The following DOP1B variants were observed in gnomAD, a reference collection of about 807,000 sequenced individuals.
The protein encoded by DOP1B is protein DOP1B.
DOP1B carries 174 observed loss-of-function variants against 233.5 expected under a neutral mutation model. The ratio of observed to expected loss-of-function variants is 0.75; its 90% CI spans 0.66 to 0.85. The LOEUF is 0.85. Among genes scored for constraint, DOP1B ranks in the 40% least tolerant of loss-of-function variants. DOP1B has a pLI of 0.00. For synonymous variants in DOP1B, 1,190 were observed against 1,185.6 expected, an observed-to-expected ratio of 1.00 and a Z score of -0.08; for missense variants, 2,652 against 2,846.6, an observed-to-expected ratio of 0.93 and a Z score of 1.56.
intron 18 of DOP1B, among the ~76,000 whole-genome samples, chr21:36,241,696 T>TC (rs1230883882): frequency 1.0e-4 from 5 of 48,290 alleles, no homozygotes; most frequent in African/African-American, 1.6e-4. Context: ...TTTCTTTCTT[T>TC]TTTTTTTTTT....
At chr21:36,265,334 T>G (rs2067218952) in intron 26 of DOP1B, among the ~76,000 whole-genome samples, 1 of 150,552 alleles carries the variant, frequency 6.6e-6, no homozygotes, top group Admixed American at 6.6e-5. Flanking sequence ...AGGCAGAGGT[T>G]ACAGTGAGCC....
At chr21:36,252,196 A>G (rs2067039400) in intron 22 of DOP1B, among the ~76,000 whole-genome samples, 3 of 151,924 alleles carry the variant, frequency 2.0e-5, no homozygotes, top group Admixed American at 6.6e-5. Context: ...AACTTTACCT[A>G]AGAACATGCC....
intron 17 of DOP1B, among the ~76,000 whole-genome samples, 183 bp downstream of exon 17, chr21:36,238,884 C>T (rs1240144177): frequency 1.3e-5 from 2 of 152,184 alleles, no homozygotes; most frequent in Non-Finnish European, 2.9e-5. Context: ...GGGCAGATCA[C>T]TTGAGGCCTG....
chr21:36,176,101 T>TGCGTATGTGTGTGTGTGTGC (rs756370304), intron 2 of DOP1B, among the ~76,000 whole-genome samples: 6 of 147,906 alleles, frequency 4.1e-5, no homozygotes, highest in Non-Finnish European at 8.9e-5. Context: ...TGTGTGCGTG[T>TGCGTATGTGTGTGTGTGTGC]GTGTGTGTGT....
At chr21:36,212,180 G>C in intron 7 of DOP1B, 83 bp downstream of exon 7, 2 of 1,426,652 alleles carry the variant, frequency 1.4e-6, no homozygotes, top group Non-Finnish European at 1.9e-6. Flanking sequence ...ATTTGGTCTT[G>C]GTGATGTATC....
chr21:36,273,704 AG>A (rs1286797303), intron 27 of DOP1B, among the ~76,000 whole-genome samples: 1 of 152,096 alleles, frequency 6.6e-6, no homozygotes, highest in Non-Finnish European at 1.5e-5. Flanking sequence ...AGGACTCTGG[AG>A]CTTCATGAAA....
At chr21:36,274,059 CAG>C (rs1188961245) in intron 27 of DOP1B, among the ~76,000 whole-genome samples, 1 of 151,974 alleles carries the variant, frequency 6.6e-6, no homozygotes, top group Non-Finnish European at 1.5e-5. Context: ...GCCTAGGCAA[CAG>C]AGACTCTGTC....
intron 22 of DOP1B, 60 bp from the exon 23 acceptor site, chr21:36,253,712 T>C (rs376258475): frequency 1.5e-5 from 23 of 1,550,136 alleles, no homozygotes; most frequent in East Asian, 9.1e-5. Context: ...TAAGGATGTG[T>C]CATCCTTATT....
chr21:36,216,639 C>T (rs2066563431), intron 9 of DOP1B, among the ~76,000 whole-genome samples: 3 of 152,118 alleles, frequency 2.0e-5, no homozygotes, highest in Admixed American at 2.0e-4. Context: ...ACCATATCAG[C>T]TCACTTTAAG....
intron 2 of DOP1B, among the ~76,000 whole-genome samples, chr21:36,183,680 G>C (rs960821767): frequency 1.2e-4 from 18 of 152,212 alleles, no homozygotes; most frequent in Non-Finnish European, 2.1e-4. Context: ...GTGTTTTGGA[G>C]GGGGTCGTGT....
intron 2 of DOP1B, among the ~76,000 whole-genome samples, chr21:36,186,189 C>T (rs755082121): frequency 4.7e-5 from 7 of 149,906 alleles, no homozygotes; most frequent in African/African-American, 1.2e-4. Context: ...GGCAACAGAA[C>T]GAGACTTCGT....
chr21:36,289,447 G>A (rs897052154), intron 35 of DOP1B, among the ~76,000 whole-genome samples: 1 of 50,918 alleles, frequency 2.0e-5, no homozygotes, highest in Middle Eastern at 0.013. Context: ...GTGTGTGTGT[G>A]TGTGTGTGTG....
chr21:36,205,157 C>T (rs78683179), intron 4 of DOP1B, among the ~76,000 whole-genome samples: 2,885 of 152,298 alleles, frequency 0.019, 40 homozygotes, highest in Non-Finnish European at 0.031. Context: ...CATGGTTGTC[C>T]TTTTGGCAAG....
intron 26 of DOP1B, among the ~76,000 whole-genome samples, chr21:36,267,625 CTT>C (rs3029062): frequency 8.6e-5 from 10 of 116,942 alleles, no homozygotes; most frequent in Admixed American, 1.8e-4. Flanking sequence ...TGCAGTGAGA[CTT>C]TTTTTTTTTT....
chr21:36,287,181 C>T (rs2067495003), intron 32 of DOP1B, among the ~76,000 whole-genome samples: 1 of 152,052 alleles, frequency 6.6e-6, no homozygotes, highest in South Asian at 2.1e-4. Context: ...TTATTTGAAA[C>T]ACTTTTCCCT....
chr21:36,205,453 A>G (rs1341718233), intron 4 of DOP1B, among the ~76,000 whole-genome samples: 4 of 152,004 alleles, frequency 2.6e-5, no homozygotes, highest in East Asian at 3.9e-4. Context: ...CAGCGGTGCA[A>G]TCTTGGCACC....
chr21:36,253,656 A>ATT, intron 22 of DOP1B, 116 bp from the exon 23 acceptor site: 1 of 1,121,958 alleles, frequency 8.9e-7, no homozygotes, highest in Non-Finnish European at 1.2e-6. Flanking sequence ...AAAAAAAGAG[A>ATT]TGAAAACAGA....
At chr21:36,176,101 T>TGTGTGTGTGTGTGTGTGTGC (rs1569000991) in intron 2 of DOP1B, among the ~76,000 whole-genome samples, 3 of 147,906 alleles carry the variant, frequency 2.0e-5, no homozygotes, top group African/African-American at 5.1e-5. Flanking sequence ...TGTGTGCGTG[T>TGTGTGTGTGTGTGTGTGTGC]GTGTGTGTGT....
At chr21:36,248,875 C>T (rs1159566831) in intron 21 of DOP1B, among the ~76,000 whole-genome samples, 6 of 150,834 alleles carry the variant, frequency 4.0e-5, no homozygotes, top group African/African-American at 9.8e-5. Flanking sequence ...GAGGCCAAGG[C>T]GGATGGATCT....
Sources: gnomAD v4.1 joint callset for allele counts (sites outside exome capture counted in the v4.1 genomes callset) on GRCh38, gnomAD v4.1.1 for gene constraint, MANE v1.5 for transcripts, NCBI Gene and HGNC (gene_info 2026-07-23, HGNC 2026-07-21) for gene names.